Variants in NAALADL2 observed in about 807,000 individuals in gnomAD.
NAALADL2 encodes the protein N-acetylated alpha-linked acidic dipeptidase like 2.
Under a neutral mutation model 87.2 loss-of-function variants are expected in NAALADL2, and 76 were observed. That is an observed-to-expected ratio of 0.87 (90% confidence interval 0.72 to 1.05). NAALADL2 has a LOEUF of 1.05. Ranked by LOEUF, NAALADL2 falls within the 50% of genes least tolerant of loss-of-function variation. The pLI is 0.00. For synonymous variants in NAALADL2, 354 were observed against 331.0 expected (o/e 1.07, Z -0.75); for missense variants, 1,089 against 945.8 (o/e 1.15, Z -1.99).
rs191637256 is a variant in NAALADL2, at chr3:175,022,330, C to T, written c.44-74460C>T. On this transcript the variant is annotated intron_variant, in intron 1 of 13. Coordinates refer to ENST00000454872, the MANE Select transcript of NAALADL2 (RefSeq NM_207015.3). Reference sequence around the variant, plus strand: ...AACTATTACGGGATATTGCTGGGTCCGGGGCTCTGTGTTCTAATAGAGAAA... The same window carrying T: ...AACTATTACGGGATATTGCTGGGTCTGGGGCTCTGTGTTCTAATAGAGAAA... Among the ~76,000 whole-genome samples the T allele has an allele frequency of 1.4e-4, 22 of 151,952 alleles. No homozygotes were observed. The East Asian group carries it at 3.1e-3, about 21-fold the overall frequency.
chr3:174,747,649 A>G, intron 3 of NAALADL2, among the ~76,000 whole-genome samples: 1 of 150,356 alleles, frequency 6.7e-6, no homozygotes, highest in East Asian at 1.9e-4. Flanking sequence ...AAAAAAAAGA[A>G]AGTCAAGAAA....
chr3:174,745,556 G>A (rs1258408567), intron 3 of NAALADL2, among the ~76,000 whole-genome samples: 1 of 152,108 alleles, frequency 6.6e-6, no homozygotes, highest in African/African-American at 2.4e-5. Context: ...CCAAACAATT[G>A]AATATTGGGG....
intron 4 of NAALADL2, among the ~76,000 whole-genome samples, chr3:175,274,194 A>AG (rs1400956056): frequency 2.0e-5 from 3 of 152,156 alleles, no homozygotes; most frequent in Non-Finnish European, 2.9e-5. Flanking sequence ...GCAGGCAAGA[A>AG]GGTGTGTGCA....
At chr3:174,803,898 T>C (rs758356400) in intron 3 of NAALADL2, among the ~76,000 whole-genome samples, 3 of 152,280 alleles carry the variant, frequency 2.0e-5, no homozygotes, top group Admixed American at 6.5e-5. Context: ...TGAAGTCAGG[T>C]AGCGTGATGC....
chr3:174,692,530 A>G (rs181972411), intron 2 of NAALADL2, among the ~76,000 whole-genome samples: 28 of 152,156 alleles, frequency 1.8e-4, no homozygotes, highest in African/African-American at 6.5e-4. Context: ...TGCCATTGGG[A>G]TGAGAGTGCT....
intron 3 of NAALADL2, among the ~76,000 whole-genome samples, chr3:174,847,748 C>T (rs796918820): frequency 6.7e-6 from 1 of 148,302 alleles, no homozygotes; most frequent in Non-Finnish European, 1.5e-5. Flanking sequence ...TAGGTGGGAA[C>T]TAGGTTAGCT....
At chr3:175,662,953 G>C (rs1732464648) in intron 11 of NAALADL2, among the ~76,000 whole-genome samples, 1 of 150,564 alleles carries the variant, frequency 6.6e-6, no homozygotes, top group Non-Finnish European at 1.5e-5. Flanking sequence ...TAGTTTGTTT[G>C]TTTGTTTGTT....
chr3:174,891,335 T>A (rs1164010713), intron 1 of NAALADL2, among the ~76,000 whole-genome samples: 2 of 152,036 alleles, frequency 1.3e-5, no homozygotes, highest in African/African-American at 4.8e-5. Flanking sequence ...AAACACCTTA[T>A]ACGAACCCCA....
intron 6 of NAALADL2, among the ~76,000 whole-genome samples, chr3:175,451,233 C>T (rs1721520288): frequency 6.6e-6 from 1 of 151,934 alleles, no homozygotes; most frequent in African/African-American, 2.4e-5. Context: ...CAAATCATAA[C>T]ACTTAAACTA....
chr3:175,235,927 C>A (rs1012956669), intron 3 of NAALADL2: 2 of 152,148 alleles, frequency 1.3e-5, no homozygotes, highest in African/African-American at 4.8e-5. Flanking sequence ...AAGGTTAAAT[C>A]AACTAATTTA....
chr3:174,811,863 G>A (rs908111539), intron 3 of NAALADL2, among the ~76,000 whole-genome samples: 2 of 152,150 alleles, frequency 1.3e-5, no homozygotes, highest in African/African-American at 4.8e-5. Flanking sequence ...CTGGATCATG[G>A]GGGGTGGATC....
intron 3 of NAALADL2, among the ~76,000 whole-genome samples, chr3:174,841,048 G>T (rs1011231626): frequency 7.4e-6 from 1 of 134,792 alleles, no homozygotes. Context: ...TAAAAAAAAA[G>T]AAGAAGAAGA....
At chr3:174,759,631 G>A (rs1362369564) in intron 3 of NAALADL2, among the ~76,000 whole-genome samples, 1 of 152,030 alleles carries the variant, frequency 6.6e-6, no homozygotes, top group Non-Finnish European at 1.5e-5. Flanking sequence ...GTTAGTAGAA[G>A]CTTAGAATTA....
At chr3:175,775,645 T>G (rs1750126222) in intron 13 of NAALADL2, among the ~76,000 whole-genome samples, 3 of 152,158 alleles carry the variant, frequency 2.0e-5, no homozygotes, top group Admixed American at 2.0e-4. Context: ...TTTGCCAATT[T>G]GCGAAGTCTG....
chr3:175,045,681 C>G (rs947979730), intron 1 of NAALADL2, among the ~76,000 whole-genome samples: 17 of 152,104 alleles, frequency 1.1e-4, no homozygotes, highest in Non-Finnish European at 7.4e-5. Flanking sequence ...CTCTGAGTCA[C>G]GCAGGGTGGC....
chr3:174,832,546 C>G (rs185037757), intron 3 of NAALADL2, among the ~76,000 whole-genome samples: 17 of 152,246 alleles, frequency 1.1e-4, no homozygotes, highest in Non-Finnish European at 1.5e-4. Flanking sequence ...ACTGCAAGCT[C>G]TGCCTCCCAG....
At chr3:175,304,873 A>G (rs1467189839) in intron 4 of NAALADL2, among the ~76,000 whole-genome samples, 12 of 152,104 alleles carry the variant, frequency 7.9e-5, no homozygotes, top group African/African-American at 2.4e-4. Flanking sequence ...CTGCTTTTAT[A>G]TTAAATAATT....
At chr3:175,412,264 C>T (rs940904001) in intron 5 of NAALADL2, among the ~76,000 whole-genome samples, 8 of 152,118 alleles carry the variant, frequency 5.3e-5, no homozygotes, top group Admixed American at 2.0e-4. Flanking sequence ...TGTATGTGCA[C>T]GTGCACGCGT....
At chr3:175,069,962 T>C (rs1267986482) in intron 1 of NAALADL2, among the ~76,000 whole-genome samples, 4 of 137,738 alleles carry the variant, frequency 2.9e-5, no homozygotes, top group African/African-American at 1.1e-4. Context: ...AATTGAACAA[T>C]GAGAACACAT....
Sources: allele counts gnomAD v4.1 joint callset (sites outside exome capture counted in the v4.1 genomes callset), GRCh38; gene constraint gnomAD v4.1.1; transcripts MANE v1.5; gene names NCBI Gene and HGNC (gene_info 2026-07-23, HGNC 2026-07-21).